The following SLC25A21 variants were observed in gnomAD, a reference collection of about 807,000 sequenced individuals.
SLC25A21 encodes the protein mitochondrial 2-oxodicarboxylate carrier.
Under a neutral mutation model 43.8 loss-of-function variants are expected in SLC25A21, and 47 were observed. The observed-to-expected ratio is 1.07, with a 90% CI of 0.85 to 1.37. The LOEUF is 1.37. Ranked by LOEUF, SLC25A21 falls within the 40% of genes most tolerant of loss-of-function variation. The probability of loss-of-function intolerance (pLI) is 0.00; values close to 1 mark genes in which losing one functional copy is unlikely to be tolerated. For synonymous variants in SLC25A21, 131 were observed against 121.3 expected (o/e 1.08, Z -0.52); for missense variants, 352 against 350.2 (o/e 1.00, Z -0.04).
intron 1 of SLC25A21, among the ~76,000 whole-genome samples, chr14:37,150,497 A>C (rs1221112587): frequency 6.6e-6 from 1 of 152,194 alleles, no homozygotes; most frequent in Non-Finnish European, 1.5e-5. Flanking sequence ...ATTAATTCCC[A>C]AAGTACAGTC....
chr14:37,115,804 G>C (rs1963096381), intron 1 of SLC25A21, among the ~76,000 whole-genome samples: 1 of 152,104 alleles, frequency 6.6e-6, no homozygotes, highest in African/African-American at 2.4e-5. Flanking sequence ...ACTAGTATAA[G>C]ATTTCATATA....
intron 1 of SLC25A21, among the ~76,000 whole-genome samples, chr14:37,106,448 G>T (rs563265450): frequency 6.6e-6 from 1 of 151,984 alleles, no homozygotes; most frequent in East Asian, 1.9e-4. Flanking sequence ...ATACACCCTG[G>T]TCTCCTGCAG....
intron 1 of SLC25A21, among the ~76,000 whole-genome samples, chr14:37,043,946 T>TG (rs1555343736): frequency 1.4e-5 from 2 of 146,996 alleles, no homozygotes; most frequent in African/African-American, 5.1e-5. Context: ...TTTTGTTTTT[T>TG]TTTTTTTTTT....
chr14:37,171,669 T>A (rs1343029159), intron 1 of SLC25A21, among the ~76,000 whole-genome samples: 1 of 152,194 alleles, frequency 6.6e-6, no homozygotes, highest in African/African-American at 2.4e-5. Flanking sequence ...TTACAACATT[T>A]TTTTCTAAAG....
chr14:37,119,143 C>T (rs1173471478), intron 1 of SLC25A21, among the ~76,000 whole-genome samples: 3 of 152,140 alleles, frequency 2.0e-5, no homozygotes, highest in African/African-American at 7.2e-5. Context: ...GCCATGGCAA[C>T]ATCCAGAAGT....
chr14:37,135,710 T>C (rs1238241967), intron 1 of SLC25A21, among the ~76,000 whole-genome samples: 1 of 150,300 alleles, frequency 6.7e-6, no homozygotes, highest in Non-Finnish European at 1.5e-5. Flanking sequence ...TTTAACAATT[T>C]TGTTGAATGG....
chr14:36,876,931 A>AGATC (rs1388960755), intron 1 of SLC25A21, among the ~76,000 whole-genome samples: 1 of 128,086 alleles, frequency 7.8e-6, no homozygotes, highest in Non-Finnish European at 1.8e-5. Context: ...ATAGATAGAT[A>AGATC]GATAGATACA....
chr14:36,931,615 A>C (rs1892293619), intron 1 of SLC25A21, among the ~76,000 whole-genome samples: 1 of 152,158 alleles, frequency 6.6e-6, no homozygotes, highest in African/African-American at 2.4e-5. Flanking sequence ...TTTAAATGGA[A>C]GGGGAACATT....
chr14:36,893,996 T>C lies in SLC25A21; in HGVS notation c.71-18992A>G, dbSNP rs190246667. 2.7e-3 allele frequency among the ~76,000 whole-genome samples: 411 copies of C among 152,348 alleles called. 2 individuals are homozygous for C. The highest frequency in any genetic ancestry group is 9.3e-3 in the African/African-American group (385 of 41,584). ...TGTGATGCCTCCAGCTTTGTTCTTT[T>C]GGCTTAGGATTGATTTGGCAATGTG... On this transcript the variant is annotated intron_variant, in intron 1 of 9. Coordinates refer to ENST00000331299, the MANE Select transcript of SLC25A21 (RefSeq NM_030631.4).
rs530397471 is a variant in SLC25A21 at position 36,734,831 on chromosome 14, G to C, written c.204-258C>G. ...TGACCATTAGTTGTACCTTAACGAT[G>C]AATCTGACTGTCCTTACTCTAAGGG... On this transcript the variant is annotated intron_variant, in intron 3 of 9. Coordinates refer to ENST00000331299, the MANE Select transcript of SLC25A21 (RefSeq NM_030631.4). 3.1e-4 allele frequency among the ~76,000 whole-genome samples: 47 copies of C among 152,268 alleles called. No homozygotes were observed. The South Asian group carries it at 9.6e-3, about 31-fold the overall frequency.
intron 1 of SLC25A21, among the ~76,000 whole-genome samples, chr14:37,100,657 T>C (rs796816125): frequency 6.6e-6 from 1 of 152,312 alleles, no homozygotes; most frequent in African/African-American, 2.4e-5. Flanking sequence ...TAGAGCCAAG[T>C]TCTCCATCCC....
chr14:36,745,591 C>T (rs1253826356), intron 3 of SLC25A21, among the ~76,000 whole-genome samples: 1 of 152,112 alleles, frequency 6.6e-6, no homozygotes, highest in African/African-American at 2.4e-5. Flanking sequence ...TCTCTGATGA[C>T]CAGTGATGAT....
At chr14:36,925,454 C>G (rs778489607) in intron 1 of SLC25A21, among the ~76,000 whole-genome samples, 1 of 152,140 alleles carries the variant, frequency 6.6e-6, no homozygotes, top group Non-Finnish European at 1.5e-5. Context: ...ATGTCAACTT[C>G]AGAATAAAGA....
intron 2 of SLC25A21, among the ~76,000 whole-genome samples, chr14:36,819,609 T>C (rs1355488928): frequency 6.6e-6 from 1 of 152,204 alleles, no homozygotes; most frequent in African/African-American, 2.4e-5. Context: ...ACAAGGGTGT[T>C]TGAAAATTAT....
At chr14:36,853,293 C>CTTAA (rs1889798535) in intron 2 of SLC25A21, among the ~76,000 whole-genome samples, 2 of 150,538 alleles carry the variant, frequency 1.3e-5, no homozygotes, top group Admixed American at 1.3e-4. Flanking sequence ...GAATGCTGTA[C>CTTAA]TTAAGTAAAG....
At chr14:36,835,547 A>C (rs1285250083) in intron 2 of SLC25A21, among the ~76,000 whole-genome samples, 1 of 152,210 alleles carries the variant, frequency 6.6e-6, no homozygotes, top group African/African-American at 2.4e-5. Flanking sequence ...CCACAAAGCC[A>C]AAAGGTAAGG....
chr14:37,027,193 T>A lies in SLC25A21; in HGVS notation c.70+145088A>T, dbSNP rs149228243. ...AGGGGAACTGGATTCACAATTTAAA[T>A]GAGAACATACTATAGCATGTCAGAG... On this transcript the variant is annotated intron_variant, in intron 1 of 9. Transcript: ENST00000331299. Among the ~76,000 whole-genome samples, 8 of 152,316 alleles carry A rather than the reference T, an allele frequency of 5.3e-5. No homozygotes were observed. In the East Asian group the frequency reaches 1.2e-3, roughly 22 times the overall value.
At chr14:37,151,183 A>G (rs1963753051) in intron 1 of SLC25A21, among the ~76,000 whole-genome samples, 1 of 152,198 alleles carries the variant, frequency 6.6e-6, no homozygotes, top group African/African-American at 2.4e-5. Flanking sequence ...TAGTTTTTAC[A>G]GACATTAAAT....
intron 1 of SLC25A21, among the ~76,000 whole-genome samples, chr14:37,158,588 AT>A (rs1566920993): frequency 6.6e-6 from 1 of 152,186 alleles, no homozygotes; most frequent in African/African-American, 2.4e-5. Flanking sequence ...CCTCAAAAAA[AT>A]AAAGGTCATG....
Sources: gnomAD v4.1 joint callset for allele counts (sites outside exome capture counted in the v4.1 genomes callset) on GRCh38, gnomAD v4.1.1 for gene constraint, MANE v1.5 for transcripts, NCBI Gene and HGNC (gene_info 2026-07-23, HGNC 2026-07-21) for gene names.